NT5C2: variants seen among roughly 807,000 people sequenced by gnomAD.
NT5C2 encodes cytosolic purine 5'-nucleotidase.
NT5C2 carries 58 observed loss-of-function variants against 76.1 expected under a neutral mutation model. The ratio of observed to expected loss-of-function variants is 0.76; its 90% CI spans 0.62 to 0.95. The LOEUF (loss-of-function observed/expected upper bound fraction) is 0.95. NT5C2 is among the 40% of genes least tolerant of loss of function. NT5C2 has a pLI of 0.00. For synonymous variants in NT5C2, 229 were observed against 237.4 expected (o/e 0.96, Z 0.32); for missense variants, 478 against 690.3 (o/e 0.69, Z 3.45).
In NT5C2 at chr10:103,093,287, G is replaced by C; in HGVS notation, c.1011C>G (p.Asp337Glu). 1 of 1,597,670 alleles carries C rather than the reference G, an allele frequency of 6.3e-7. No individual in the cohort carries two copies. Among genetic ancestry groups the C allele is most frequent in the Non-Finnish European group, 8.5e-7 (1 of 1,173,600 alleles). Residue 337 changes from aspartate (D) to glutamate (E), a missense_variant, in exon 15 of 19, where the codon GAC (aspartate) becomes GAG (glutamate). Asp to Glu is a conservative substitution (Grantham distance 45, BLOSUM62 2). Transcript: ENST00000404739. ...YSGGSSDTICDLLGAKGKDIL... is the reference protein window; with the variant it reads ...YSGGSSDTICELLGAKGKDIL... ...TGTCTTTTCCCTTGGCTCCCAACAG[G>C]TCACAGATCGTATCAGAAGAACCTG...
chr10:103,148,135 C>T (rs1435783531), intron 3 of NT5C2, among the ~76,000 whole-genome samples: 5 of 151,970 alleles, frequency 3.3e-5, no homozygotes, highest in Admixed American at 3.3e-4. Context: ...GCTCAAATAC[C>T]ATGGACATAC....
At chr10:103,097,826 A>G in intron 10 of NT5C2, 1 of 345,508 alleles carries the variant, frequency 2.9e-6, no homozygotes, top group East Asian at 8.8e-5. Context: ...ATGAAATGAC[A>G]TGTGCAGATG....
intron 1 of NT5C2, among the ~76,000 whole-genome samples, chr10:103,189,095 TAAA>T (rs879630421): frequency 6.8e-6 from 1 of 147,516 alleles, no homozygotes; most frequent in Non-Finnish European, 1.5e-5. Context: ...TTTAACGGCT[TAAA>T]AAAAAAAATC....
intron 6 of NT5C2, among the ~76,000 whole-genome samples, chr10:103,102,642 C>T (rs1335282431): frequency 2.0e-5 from 3 of 151,544 alleles, no homozygotes; most frequent in Admixed American, 6.6e-5. Context: ...AAATAAGACC[C>T]GGCAAACTGA....
In NT5C2 at chr10:103,185,200, A is replaced by G. The variant is rs145599854; in HGVS notation, c.-168-3872T>C. ...AGAGAGCATGTAAGGAAAACATTTT[A>G]AAAGACTGAGCTATTTCTTCAAAAC... On this transcript the variant is annotated intron_variant, in intron 1 of 18. Coordinates refer to ENST00000404739, the MANE Select transcript of NT5C2 (RefSeq NM_001351169.2). Among the ~76,000 whole-genome samples, 874 of 152,328 alleles carry G rather than the reference A, an allele frequency of 5.7e-3. 5 individuals carry two copies. Among genetic ancestry groups the G allele is most frequent in the Non-Finnish European group, 8.3e-3 (566 of 68,036 alleles).
At chr10:103,123,893 A>G (rs7067663) in intron 4 of NT5C2, among the ~76,000 whole-genome samples, 48,196 of 151,908 alleles carry the variant, frequency 0.32, 7,763 homozygotes, top group Middle Eastern at 0.36. Context: ...ATGAGCCAGT[A>G]AGCCAAGTTA....
chr10:103,121,689 G>A (rs1026942205), intron 4 of NT5C2, among the ~76,000 whole-genome samples: 1 of 152,136 alleles, frequency 6.6e-6, no homozygotes, highest in Non-Finnish European at 1.5e-5. Context: ...ACTCTTAACA[G>A]CTTTATTCAT....
Position 103,089,566 on chromosome 10 carries a change from G to T in NT5C2, c.*106C>A. ...GAAACTTTTCAGACGTACCTTTCATGGAGCCCCCTCCCTCCCCCGAGTAGA... is the reference window on the plus strand; with the variant it reads ...GAAACTTTTCAGACGTACCTTTCATTGAGCCCCCTCCCTCCCCCGAGTAGA... On this transcript the variant is annotated 3_prime_UTR_variant, in exon 19 of 19. Transcript: ENST00000404739. 7.0e-7 allele frequency: 1 copy of T among 1,423,560 alleles called. No homozygotes were observed. The highest frequency in any genetic ancestry group is 1.7e-5 in the South Asian group (1 of 59,826). The allele number at this position is 1,423,560 out of a possible 1,614,324, so 88.2% of individuals were successfully genotyped here.
chr10:103,175,082 CTAATA>C lies in NT5C2; in HGVS notation c.-24-105_-24-101del, dbSNP rs1485370107. On this transcript the variant is annotated intron_variant, in intron 2 of 18. Coordinates refer to ENST00000404739, the MANE Select transcript of NT5C2 (RefSeq NM_001351169.2). ...AGAAAAACTCCAGCTTGCAAACTGC[CTAATA>C]TAATTACCTATTAAAACACACTGAA... 1.6e-4 allele frequency: 105 copies of C among 650,426 alleles called. 1 individual carries two copies. Among genetic ancestry groups the C allele is most frequent in the South Asian group, 5.6e-4 (30 of 53,250 alleles). 40.3% of individuals were successfully genotyped at this position (650,426 alleles called of 1,614,324 possible). A position where few individuals can be genotyped will look rare whatever the true frequency, so the allele number is the denominator to read the frequency against.
chr10:103,154,435 T>G (rs905050858), intron 3 of NT5C2, among the ~76,000 whole-genome samples: 22 of 151,470 alleles, frequency 1.5e-4, no homozygotes, highest in Admixed American at 1.2e-3. Context: ...GTAGAAAAAA[T>G]AAAAAAGAAA....
At chr10:103,137,494 C>T (rs1340393521) in intron 4 of NT5C2, among the ~76,000 whole-genome samples, 1 of 152,144 alleles carries the variant, frequency 6.6e-6, no homozygotes, top group Non-Finnish European at 1.5e-5. Context: ...CCCGTAATTT[C>T]GTGTTTGAAC....
intron 3 of NT5C2, among the ~76,000 whole-genome samples, chr10:103,156,171 A>C (rs766371393): frequency 2.0e-5 from 3 of 151,950 alleles, no homozygotes; most frequent in Non-Finnish European, 2.9e-5. Flanking sequence ...TTGAAAAAAA[A>C]ATTTTTTTGA....
intron 1 of NT5C2, among the ~76,000 whole-genome samples, chr10:103,185,793 A>G (rs1045656222): frequency 6.6e-6 from 1 of 152,218 alleles, no homozygotes; most frequent in Non-Finnish European, 1.5e-5. Flanking sequence ...AATAATTTAA[A>G]AAGATAAAAT....
intron 3 of NT5C2, among the ~76,000 whole-genome samples, chr10:103,169,770 CAGA>C (rs1348903207): frequency 3.3e-5 from 5 of 151,962 alleles, no homozygotes; most frequent in African/African-American, 1.2e-4. Flanking sequence ...TGCTTGCAGC[CAGA>C]AGATCAAAAC....
intron 4 of NT5C2, among the ~76,000 whole-genome samples, chr10:103,135,620 T>G (rs911497677): frequency 2.7e-4 from 40 of 148,894 alleles, no homozygotes; most frequent in Non-Finnish European, 7.4e-5. Flanking sequence ...CCCCCACATC[T>G]CTACTAAAAA....
At chr10:103,125,398 A>T in intron 4 of NT5C2, 1 of 282,990 alleles carries the variant, frequency 3.5e-6, no homozygotes, top group Non-Finnish European at 6.8e-6. Context: ...GCATCAGCCA[A>T]GTCGTTCATG....
chr10:103,096,897 G>C (rs993962045), intron 11 of NT5C2, among the ~76,000 whole-genome samples: 2 of 139,718 alleles, frequency 1.4e-5, no homozygotes, highest in African/African-American at 5.2e-5. Flanking sequence ...ACAGCTAAGA[G>C]CCAAAACATC....
At chr10:103,139,663 A>G (rs1193269146) in intron 3 of NT5C2, among the ~76,000 whole-genome samples, 184 bp from the exon 4 acceptor site, 1 of 152,214 alleles carries the variant, frequency 6.6e-6, no homozygotes, top group Non-Finnish European at 1.5e-5. Context: ...CTTGATACAC[A>G]TATACACAGT....
intron 4 of NT5C2, among the ~76,000 whole-genome samples, chr10:103,116,734 C>A (rs2074447646): frequency 6.6e-6 from 1 of 151,522 alleles, no homozygotes; most frequent in Non-Finnish European, 1.5e-5. Flanking sequence ...CACCACCACA[C>A]CTGGCTAATT....
Sources: gnomAD v4.1 joint callset for allele counts (sites outside exome capture counted in the v4.1 genomes callset) on GRCh38, gnomAD v4.1.1 for gene constraint, MANE v1.5 for transcripts, NCBI Gene and HGNC (gene_info 2026-07-23, HGNC 2026-07-21) for gene names.